LNP1: variants seen among roughly 807,000 people sequenced by gnomAD.
The protein encoded by LNP1 is leukemia NUP98 fusion partner 1.
In LNP1, 12 loss-of-function variants were observed where a neutral mutation model predicts 14.5. That is an observed-to-expected ratio of 0.83 (90% CI 0.53 to 1.34). LNP1 has a LOEUF of 1.34. Among genes scored for constraint, LNP1 ranks in the 40% most tolerant of loss-of-function variants. The pLI is 0.00. For missense variants in LNP1, 198 were observed against 210.9 expected, an observed-to-expected ratio of 0.94 and a Z score of 0.38; for synonymous variants, 75 against 71.4, an observed-to-expected ratio of 1.05 and a Z score of -0.26.
intron 2 of LNP1, among the ~76,000 whole-genome samples, chr3:100,450,983 G>A (rs1429657833): frequency 2.6e-5 from 4 of 152,176 alleles, no homozygotes; most frequent in Admixed American, 2.6e-4. Context: ...TCTGGAGGGG[G>A]TGGTCTCAGA....
chr3:100,421,094 T>C (rs1004684360), intron 1 of LNP1, among the ~76,000 whole-genome samples: 1 of 152,214 alleles, frequency 6.6e-6, no homozygotes, highest in Non-Finnish European at 1.5e-5. Flanking sequence ...TCCTCTTGTC[T>C]TGGCCTCCCA....
intron 1 of LNP1, among the ~76,000 whole-genome samples, chr3:100,419,160 G>T (rs1707119448): frequency 6.6e-6 from 1 of 152,112 alleles, no homozygotes; most frequent in Admixed American, 6.6e-5. Context: ...TGCTCTATTA[G>T]TTTTCATGTG....
At chr3:100,411,072 C>T (rs9873900) in intron 1 of LNP1, among the ~76,000 whole-genome samples, 1,716 of 152,208 alleles carry the variant, frequency 0.011, 21 homozygotes, top group African/African-American at 0.039. Flanking sequence ...GATACTACCA[C>T]CCGAGAGGGC....
At chr3:100,412,911 A>G (rs1043587993) in intron 1 of LNP1, among the ~76,000 whole-genome samples, 5 of 152,228 alleles carry the variant, frequency 3.3e-5, no homozygotes, top group Admixed American at 2.0e-4. Context: ...TCCACCCAAC[A>G]CAATACCTGA....
intron 1 of LNP1, among the ~76,000 whole-genome samples, chr3:100,415,089 A>ATAT: frequency 6.6e-6 from 1 of 152,232 alleles, no homozygotes; most frequent in Non-Finnish European, 1.5e-5. Flanking sequence ...ATGTGAGAGA[A>ATAT]TATCTTGATG....
intron 2 of LNP1, among the ~76,000 whole-genome samples, chr3:100,442,689 A>C (rs1411712883): frequency 6.6e-6 from 1 of 152,188 alleles, no homozygotes; most frequent in Non-Finnish European, 1.5e-5. Flanking sequence ...GGTTGGCCCT[A>C]AGCTGTTCCC....
intron 2 of LNP1, among the ~76,000 whole-genome samples, chr3:100,439,277 T>TAA (rs559849558): frequency 7.1e-6 from 1 of 140,902 alleles, no homozygotes; most frequent in African/African-American, 2.6e-5. Flanking sequence ...CGAAAAATAC[T>TAA]AAAAAAAAAA....
intron 2 of LNP1, among the ~76,000 whole-genome samples, chr3:100,430,868 A>G (rs1198769067): frequency 6.6e-6 from 1 of 152,242 alleles, no homozygotes. Flanking sequence ...ATTTCAAAAT[A>G]TATCCCTTGC....
Position 100,433,250 on chromosome 3 carries a change from G to A in LNP1, c.156+3365G>A, listed in dbSNP as rs78612205. ...CCCTCTGATAGGCCCCAGTGTGTGC[G>A]TTGTTCCCCTCCCTATGTCCATGTG... On this transcript the variant is annotated intron_variant, in intron 2 of 3. Transcript: ENST00000383693. Among the ~76,000 whole-genome samples the A allele has an allele frequency of 8.5e-3, 1,296 of 152,180 alleles. 23 individuals carry two copies. The highest frequency in any genetic ancestry group is 0.03 in the African/African-American group (1,233 of 41,504).
chr3:100,432,048 A>G (rs1276748912), intron 2 of LNP1, among the ~76,000 whole-genome samples: 1 of 88,266 alleles, frequency 1.1e-5, no homozygotes, highest in African/African-American at 5.2e-5. Flanking sequence ...ATATATATAT[A>G]TATATTCTTA....
At chr3:100,440,664 A>G (rs750223293) in intron 2 of LNP1, among the ~76,000 whole-genome samples, 8 of 152,120 alleles carry the variant, frequency 5.3e-5, no homozygotes, top group Non-Finnish European at 8.8e-5. Context: ...TGTACATTCA[A>G]TATATATTTA....
At chr3:100,436,516 TCTC>T (rs1251259646) in intron 2 of LNP1, among the ~76,000 whole-genome samples, 2 of 152,058 alleles carry the variant, frequency 1.3e-5, no homozygotes, top group Non-Finnish European at 2.9e-5. Context: ...TCCCTCTGCA[TCTC>T]CTCCTCCTCC....
At chr3:100,429,666 G>C (rs1707224647) in intron 1 of LNP1, 31 bp from the exon 2 acceptor site, 2 of 1,453,492 alleles carry the variant, frequency 1.4e-6, no homozygotes, top group Middle Eastern at 1.8e-4. Context: ...TGTCAGCCCT[G>C]TTGGGTGATA....
intron 2 of LNP1, among the ~76,000 whole-genome samples, chr3:100,445,711 G>A (rs530420281): frequency 6.6e-6 from 1 of 152,166 alleles, no homozygotes; most frequent in Admixed American, 6.5e-5. Flanking sequence ...CATCGTCTCA[G>A]CCCAAAATCT....
At chr3:100,410,959 A>G (rs934655433) in intron 1 of LNP1, among the ~76,000 whole-genome samples, 2 of 151,998 alleles carry the variant, frequency 1.3e-5, no homozygotes, top group African/African-American at 4.8e-5. Flanking sequence ...ACCCTTGCCT[A>G]CTATATCAGG....
At chr3:100,418,402 G>A (rs1386215455) in intron 1 of LNP1, among the ~76,000 whole-genome samples, 1 of 151,786 alleles carries the variant, frequency 6.6e-6, no homozygotes, top group Non-Finnish European at 1.5e-5. Context: ...TGAAATAGTG[G>A]CTACCAACAT....
chr3:100,424,847 A>G (rs896961197), intron 1 of LNP1, among the ~76,000 whole-genome samples: 1 of 152,222 alleles, frequency 6.6e-6, no homozygotes, highest in Non-Finnish European at 1.5e-5. Context: ...AATTATTAAC[A>G]GTAGTGTCCC....
At chr3:100,443,638 C>T (rs1023251742) in intron 2 of LNP1, among the ~76,000 whole-genome samples, 2 of 152,128 alleles carry the variant, frequency 1.3e-5, no homozygotes, top group Admixed American at 6.5e-5. Context: ...ACAGGAATTG[C>T]GTAGACAAGT....
chr3:100,431,713 C>T (rs181508371), intron 2 of LNP1, among the ~76,000 whole-genome samples: 6 of 150,732 alleles, frequency 4.0e-5, no homozygotes, highest in Non-Finnish European at 7.4e-5. Flanking sequence ...TTACTTTTGG[C>T]GTGGTGCCAT....
Sources: gnomAD v4.1 joint callset for allele counts (sites outside exome capture counted in the v4.1 genomes callset) on GRCh38, gnomAD v4.1.1 for gene constraint, MANE v1.5 for transcripts, NCBI Gene and HGNC (gene_info 2026-07-23, HGNC 2026-07-21) for gene names.